FAT3: variants seen among roughly 807,000 people sequenced by gnomAD.
FAT3 encodes the protein protocadherin Fat 3.
Under a neutral mutation model 310.2 loss-of-function variants are expected in FAT3, and 95 were observed. The observed-to-expected ratio is 0.31, with a 90% CI of 0.26 to 0.36. The LOEUF is 0.36. Among genes scored for constraint, FAT3 ranks in the 10% least tolerant of loss-of-function variants. The pLI is 1.00. For synonymous variants in FAT3, 2,314 were observed against 2,192.9 expected, an observed-to-expected ratio of 1.06 and a Z score of -1.54; for missense variants, 5,408 against 5,715.6, an observed-to-expected ratio of 0.95 and a Z score of 1.74.
intron 2 of FAT3, among the ~76,000 whole-genome samples, chr11:92,461,950 C>G (rs780440219): frequency 1.7e-4 from 26 of 152,094 alleles, no homozygotes; most frequent in Non-Finnish European, 3.4e-4. Flanking sequence ...CTGCAGATAG[C>G]AGTCTGCTGA....
intron 7 of FAT3, among the ~76,000 whole-genome samples, chr11:92,784,716 G>A (rs1591727787): frequency 2.0e-5 from 3 of 152,264 alleles, no homozygotes; most frequent in African/African-American, 7.2e-5. Context: ...GGCCCCGACT[G>A]TGGGAAATAA....
intron 13 of FAT3, among the ~76,000 whole-genome samples, chr11:92,824,670 A>G (rs1267122111): frequency 1.3e-5 from 2 of 152,188 alleles, no homozygotes; most frequent in Non-Finnish European, 2.9e-5. Flanking sequence ...TATTTATTAC[A>G]AACATAGTGT....
chr11:92,687,887 GCCT>G, intron 3 of FAT3, among the ~76,000 whole-genome samples: 1 of 152,204 alleles, frequency 6.6e-6, no homozygotes, highest in Non-Finnish European at 1.5e-5. Flanking sequence ...TGCTAGGCAT[GCCT>G]AGCATGCCTC....
At chr11:92,565,417 T>C (rs1226041955) in intron 3 of FAT3, among the ~76,000 whole-genome samples, 1 of 125,286 alleles carries the variant, frequency 8.0e-6, no homozygotes, top group Admixed American at 8.8e-5. Context: ...CCAAAAAGAG[T>C]CCAGGACCAG....
chr11:92,273,406 G>A (rs1946182334), intron 1 of FAT3, among the ~76,000 whole-genome samples: 1 of 152,042 alleles, frequency 6.6e-6, no homozygotes, highest in South Asian at 2.1e-4. Context: ...TGCAGGGATT[G>A]TAGAGGACAT....
chr11:92,272,735 G>A lies in FAT3; in HGVS notation c.-18+47561G>A, dbSNP rs917309910. Among the ~76,000 whole-genome samples the A allele has an allele frequency of 2.6e-5, 4 of 152,182 alleles. No homozygotes were observed. The East Asian group carries it at 7.8e-4, about 30-fold the overall frequency. On this transcript the variant is annotated intron_variant, in intron 1 of 27. Transcript: ENST00000525166. Reference sequence around the variant, plus strand: ...TGCCCCAAATGACTGAAATGTTACGGACAGGGATCCTCAGGCCATCCTTAC... The same window carrying A: ...TGCCCCAAATGACTGAAATGTTACGAACAGGGATCCTCAGGCCATCCTTAC...
At chr11:92,382,437 C>A (rs548123964) in intron 2 of FAT3, among the ~76,000 whole-genome samples, 1 of 152,314 alleles carries the variant, frequency 6.6e-6, no homozygotes, top group African/African-American at 2.4e-5. Flanking sequence ...GAATCACCTG[C>A]TGAGGCGCTG....
In FAT3 at chr11:92,837,631, C is replaced by T. The variant is rs113798131; in HGVS notation, c.10225-32C>T. On this transcript the variant is annotated intron_variant, in intron 16 of 27. Coordinates refer to ENST00000525166, the MANE Select transcript of FAT3 (RefSeq NM_001367949.2). ...GCACAGAAGGAAGGAAGCGCTACAC[C>T]TCTTTACTGTCACCTCTTTGTACCT... 292 of 1,612,364 alleles carry T rather than the reference C, an allele frequency of 1.8e-4. No homozygotes were observed. In the African/African-American group the frequency reaches 3.5e-3, roughly 19 times the overall value.
In FAT3 at chr11:92,866,941, G is replaced by C. The variant is rs544479286; in HGVS notation, c.11859G>C (p.Glu3953Asp). The C allele has an allele frequency of 1.2e-6, 2 of 1,613,782 alleles. No homozygotes were observed. The highest frequency in any genetic ancestry group is 1.7e-6 in the Non-Finnish European group (2 of 1,179,816). Residue 3953 changes from glutamate (E) to aspartate (D), a missense_variant, in exon 22 of 28, where the codon GAG becomes GAC. This residue lies in a region of FAT3 where 4,588 missense variants were observed against 4,809.8 expected (regional missense o/e 0.95). Transcript: ENST00000525166. Reference sequence around the variant, plus strand: ...TCTACTTCCAGACGCTGAGCACTGAGAGTAGCATCTACTTCGGCGCCCTGG... The same window carrying C: ...TCTACTTCCAGACGCTGAGCACTGACAGTAGCATCTACTTCGGCGCCCTGG... ...APLYFQTLST[E>D]SSIYFGALVQ... is the part of the protein sequence containing the mutation.
At chr11:92,292,255 A>G (rs1946712654) in intron 1 of FAT3, among the ~76,000 whole-genome samples, 1 of 152,100 alleles carries the variant, frequency 6.6e-6, no homozygotes, top group Non-Finnish European at 1.5e-5. Context: ...TATCTTTAGC[A>G]TAAGTATGTG....
At chr11:92,318,280 T>C (rs1473475395) in intron 1 of FAT3, among the ~76,000 whole-genome samples, 1 of 152,180 alleles carries the variant, frequency 6.6e-6, no homozygotes, top group Non-Finnish European at 1.5e-5. Context: ...TCCTCTTCTG[T>C]GGGAAAAGAC....
intron 13 of FAT3, among the ~76,000 whole-genome samples, chr11:92,821,743 C>T (rs1030213243): frequency 2.0e-5 from 3 of 152,114 alleles, no homozygotes; most frequent in East Asian, 1.9e-4. Context: ...GGTTCAAAAA[C>T]GTTAAGTGGC....
In FAT3 at chr11:92,355,376, T is replaced by G; in HGVS notation, c.3264T>G (p.Leu1088=). ...IQYSIRDGSG[L]GRFSIDDESG... ...ACTCCATCAGGGATGGCAGTGGTCT[T>G]GGAAGGTTCAGTATAGACGACGAGA... Residue 1088 remains leucine, a synonymous_variant, in exon 2 of 28, where the codon CTT becomes CTG. Transcript: ENST00000525166. The G allele has an allele frequency of 6.2e-7, 1 of 1,613,602 alleles. No individual in the cohort carries two copies. The highest frequency in any genetic ancestry group is 8.5e-7 in the Non-Finnish European group (1 of 1,179,680).
At chr11:92,794,455 C>T (rs891933834) in intron 9 of FAT3, among the ~76,000 whole-genome samples, 2 of 152,124 alleles carry the variant, frequency 1.3e-5, no homozygotes, top group Non-Finnish European at 2.9e-5. Flanking sequence ...TAAACATTAG[C>T]TGTGTGTCTC....
intron 2 of FAT3, among the ~76,000 whole-genome samples, chr11:92,502,687 A>G (rs1169951926): frequency 6.6e-6 from 1 of 152,098 alleles, no homozygotes; most frequent in Non-Finnish European, 1.5e-5. Flanking sequence ...AACAATTGCA[A>G]CTACTGCTGG....
In FAT3 at chr11:92,801,407, G is replaced by C. The variant is rs1221810016; in HGVS notation, c.8394G>C (p.Val2798=). 6.2e-7 allele frequency: 1 copy of C among 1,613,904 alleles called. No homozygotes were observed. Among genetic ancestry groups the C allele is most frequent in the Admixed American group, 1.7e-5 (1 of 60,014 alleles). The change falls in exon 10 of 28, where the codon GTG becomes GTC. Residue 2798 remains valine, a synonymous_variant. Coordinates refer to ENST00000525166, the MANE Select transcript of FAT3 (RefSeq NM_001367949.2). ...PLDKVDIVFT[V]DVDIKVLDLN... ...ACAAAGTAGACATTGTGTTTACTGT[G>C]GATGTAGATATCAAGGTATTGGATT... is the stretch of plus-strand genomic sequence containing the variant.
intron 13 of FAT3, among the ~76,000 whole-genome samples, chr11:92,827,522 C>T (rs1948132353): frequency 6.6e-6 from 1 of 152,136 alleles, no homozygotes; most frequent in Non-Finnish European, 1.5e-5. Context: ...CAGGCTGTGG[C>T]CTAGAGGTAA....
chr11:92,494,054 A>T (rs1952683698), intron 2 of FAT3, among the ~76,000 whole-genome samples: 1 of 150,940 alleles, frequency 6.6e-6, no homozygotes, highest in Non-Finnish European at 1.5e-5. Context: ...TTTTGGTAAA[A>T]ATGTGATGTT....
intron 3 of FAT3, among the ~76,000 whole-genome samples, chr11:92,537,411 C>A (rs1294886442): frequency 6.6e-6 from 1 of 152,094 alleles, no homozygotes; most frequent in Non-Finnish European, 1.5e-5. Flanking sequence ...AGAGAAGATA[C>A]CTTGCTGTAA....
Sources: allele counts gnomAD v4.1 joint callset (sites outside exome capture counted in the v4.1 genomes callset), GRCh38; gene constraint gnomAD v4.1.1; regional missense constraint gnomAD v4.1.1; transcripts MANE v1.5; gene names NCBI Gene and HGNC (gene_info 2026-07-23, HGNC 2026-07-21).